SCAMP4: variants seen among roughly 807,000 people sequenced by gnomAD.
The protein encoded by SCAMP4 is secretory carrier membrane protein 4.
SCAMP4 carries 19 observed loss-of-function variants against 32.1 expected under a neutral mutation model. The observed-to-expected ratio is 0.59, with a 90% CI of 0.41 to 0.87. The LOEUF (loss-of-function observed/expected upper bound fraction) is 0.87, where lower values mean the gene tolerates loss of function less well. SCAMP4 is among the 40% of genes least tolerant of loss of function. The pLI, the probability that SCAMP4 is intolerant of heterozygous loss-of-function variation, is 0.00. For missense variants in SCAMP4, 302 were observed against 309.0 expected (o/e 0.98, Z 0.17); for synonymous variants, 152 against 132.7 (o/e 1.15, Z -1.00).
intron 5 of SCAMP4, chr19:1,920,996 G>T (rs1351275567): frequency 2.0e-6 from 2 of 985,300 alleles, no homozygotes; most frequent in South Asian, 4.7e-5. Flanking sequence ...GTCCCTGCCC[G>T]AGGTGGACAG....
intron 5 of SCAMP4, chr19:1,922,459 TC>T: frequency 1.2e-6 from 1 of 840,174 alleles, no homozygotes; most frequent in Non-Finnish European, 1.4e-6. Flanking sequence ...GGTCTCCAGT[TC>T]CTGGCCTCAA....
chr19:1,915,052 C>G (rs1482940161), intron 2 of SCAMP4, 26 bp downstream of exon 2: 1 of 1,613,686 alleles, frequency 6.2e-7, no homozygotes, highest in Non-Finnish European at 8.5e-7. Flanking sequence ...CTGGGAGCCT[C>G]CAGCAGCGTG....
Position 1,912,141 on chromosome 19 carries a change from G to GCCGGGAGC in SCAMP4, c.-41-2833_-41-2826dup, listed in dbSNP as rs746859902. On this transcript the variant is annotated intron_variant, in intron 1 of 6. Transcript: ENST00000316097. ...CGTGGAGCAGCCCAAGTGCTTGGAG[G>GCCGGGAGC]CCGGGAGCCCGGAGCCTGAGCCGGC... The GCCGGGAGC allele has an allele frequency of 7.0e-6, 11 of 1,560,438 alleles. No individual in the cohort carries two copies. The Admixed American group carries it at 9.5e-5, about 14-fold the overall frequency.
chr19:1,920,208 CCCTTGT>C lies in SCAMP4; in HGVS notation c.395+1224_395+1229del, dbSNP rs200908897. 1.1e-3 allele frequency: 1,115 copies of C among 985,414 alleles called. 7 individuals are homozygous for C. The African/African-American group carries it at 0.018, about 16-fold the overall frequency. 61.0% of individuals were successfully genotyped at this position (985,414 alleles called of 1,614,324 possible). A position where few individuals can be genotyped will look rare whatever the true frequency, so the allele number is the denominator to read the frequency against. On this transcript the variant is annotated intron_variant, in intron 5 of 6. Coordinates refer to ENST00000316097, the MANE Select transcript of SCAMP4 (RefSeq NM_079834.4). ...TCTCGCCCACGTCCCCGACGTGTCT[CCCTTGT>C]CCTTGGCACGGCGGGAGCTCCCCAC...
intron 1 of SCAMP4, chr19:1,907,891 G>A (rs2013220153): frequency 6.6e-6 from 1 of 152,448 alleles, no homozygotes; most frequent in Non-Finnish European, 1.5e-5. Context: ...TCTGGCAGTT[G>A]AGGCCGCCCT....
chr19:1,919,005 G>C lies in SCAMP4; in HGVS notation c.395+15G>C. The C allele has an allele frequency of 6.3e-7, 1 of 1,591,950 alleles. No homozygotes were observed. Among genetic ancestry groups the C allele is most frequent in the Non-Finnish European group, 8.6e-7 (1 of 1,169,112 alleles). On this transcript the variant is annotated intron_variant, in intron 5 of 6. Coordinates refer to ENST00000316097, the MANE Select transcript of SCAMP4 (RefSeq NM_079834.4). ...TGGGGCGCGTGGTAAGCCTCTCTCT[G>C]ATGGGCGTGGTGGCTGTGATGTGGC...
intron 1 of SCAMP4, chr19:1,912,866 C>T: frequency 1.2e-6 from 2 of 1,600,568 alleles, no homozygotes; most frequent in South Asian, 2.2e-5. Context: ...CCGCTGCCCC[C>T]CAGGCCGTCC....
intron 6 of SCAMP4, among the ~76,000 whole-genome samples, chr19:1,923,409 G>A (rs940893902): frequency 5.9e-5 from 9 of 152,176 alleles, no homozygotes; most frequent in African/African-American, 1.9e-4. Context: ...GGCCAGTCCT[G>A]TGGCCCCCTG....
intron 6 of SCAMP4, 30 bp downstream of exon 6, chr19:1,923,217 C>T: frequency 1.3e-6 from 2 of 1,515,810 alleles, no homozygotes; most frequent in African/African-American, 1.4e-5. Flanking sequence ...ACGTCCAGCC[C>T]TTACCCCTTC....
rs899632590 is a variant in SCAMP4 at position 1,912,652 on chromosome 19, G to A, written c.-41-2327G>A. ...GAGCGGGCGGTGTGGGCGGCCCGGCGGGCAGCAGCGCGGGGCTTGCGGGCC... is the reference window on the plus strand; with the variant it reads ...GAGCGGGCGGTGTGGGCGGCCCGGCAGGCAGCAGCGCGGGGCTTGCGGGCC... On this transcript the variant is annotated intron_variant, in intron 1 of 6. Transcript: ENST00000316097. The A allele has an allele frequency of 2.1e-6, 3 of 1,422,024 alleles. No individual in the cohort carries two copies. Among genetic ancestry groups the A allele is most frequent in the Admixed American group, 3.3e-5 (1 of 30,494 alleles). 88.1% of individuals were successfully genotyped at this position (1,422,024 alleles called of 1,614,324 possible). A position where few individuals can be genotyped will look rare whatever the true frequency, so the allele number is the denominator to read the frequency against.
In SCAMP4 at chr19:1,925,732, G is replaced by A. The variant is rs2014077222; in HGVS notation, c.*1448G>A. On this transcript the variant is annotated 3_prime_UTR_variant, in exon 7 of 7. Transcript: ENST00000316097. The stretch of plus-strand genomic sequence containing the variant: ...CCCTCGCTGGTACGGAATGCCGCTG[G>A]GTGCCCGGAGGCGGCCATGGTGTCT... 6.6e-6 allele frequency: 1 copy of A among 152,562 alleles called. No homozygotes were observed. The highest frequency in any genetic ancestry group is 6.6e-5 in the Admixed American group (1 of 15,250). 9.5% of individuals were successfully genotyped at this position (152,562 alleles called of 1,614,324 possible).
rs2013835912 is a variant in SCAMP4, at chr19:1,919,154, A to G, written c.395+164A>G. ...CCCTGGCAGCGCCCGCGTCCTCGCC[A>G]GCGCCCGCGTCCTCGCCAGCACCCA... is the stretch of plus-strand genomic sequence containing the variant. On this transcript the variant is annotated intron_variant, in intron 5 of 6. Transcript: ENST00000316097. The G allele has an allele frequency of 2.8e-6, 4 of 1,448,146 alleles. No individual in the cohort carries two copies. In the East Asian group the frequency reaches 1.0e-4, roughly 36 times the overall value. 89.7% of individuals were successfully genotyped at this position (1,448,146 alleles called of 1,614,324 possible).
At position 1,924,599 on chromosome 19, in the gene SCAMP4, C is replaced by T. The variant is rs948084206; in HGVS notation, c.*315C>T. The T allele has an allele frequency of 8.5e-6, 3 of 352,614 alleles. No homozygotes were observed. The highest frequency in any genetic ancestry group is 6.8e-5 in the South Asian group (2 of 29,494). The allele number at this position is 352,614 out of a possible 1,614,324, so 21.8% of individuals were successfully genotyped here. On this transcript the variant is annotated 3_prime_UTR_variant, in exon 7 of 7. Transcript: ENST00000316097. Reference sequence around the variant, plus strand: ...CTGGTACGGCCTTGTCTTCAGGTCTCGAGGCCTGACTCCGGGGGACAGGTG... The same window carrying T: ...CTGGTACGGCCTTGTCTTCAGGTCTTGAGGCCTGACTCCGGGGGACAGGTG...
At chr19:1,920,179 C>T (rs185113069) in intron 5 of SCAMP4, 2 of 985,380 alleles carry the variant, frequency 2.0e-6, no homozygotes, top group Non-Finnish European at 2.4e-6. Flanking sequence ...CAGAGAGTGA[C>T]TGTTCTCGCC....
rs1421483666 is a variant in SCAMP4, at chr19:1,925,498, C to T, written c.*1214C>T. On this transcript the variant is annotated 3_prime_UTR_variant, in exon 7 of 7. Coordinates refer to ENST00000316097, the MANE Select transcript of SCAMP4 (RefSeq NM_079834.4). The stretch of plus-strand genomic sequence containing the variant: ...TTGTCCCCTCACCCCCCAACTCCCC[C>T]TGGAACACCTCTCCCAGGCAAGACA... 1 of 153,076 alleles carries T rather than the reference C, an allele frequency of 6.5e-6. No individual in the cohort carries two copies. The highest frequency in any genetic ancestry group is 1.5e-5 in the Non-Finnish European group (1 of 68,180). The allele number at this position is 153,076 out of a possible 1,614,324, so 9.5% of individuals were successfully genotyped here. A position where few individuals can be genotyped will look rare whatever the true frequency, so the allele number is the denominator to read the frequency against.
At chr19:1,912,060 T>C (rs2013480752) in intron 1 of SCAMP4, 9 of 1,432,502 alleles carry the variant, frequency 6.3e-6, no homozygotes, top group Non-Finnish European at 8.2e-6. Flanking sequence ...GATCCTCTGC[T>C]CCCGTCTCTG....
intron 5 of SCAMP4, chr19:1,922,651 G>A: frequency 1.0e-6 from 1 of 987,236 alleles, no homozygotes; most frequent in Non-Finnish European, 1.2e-6. Flanking sequence ...ATTAGACACA[G>A]TTGCCGTAGG....
chr19:1,921,617 G>A (rs985322967), intron 5 of SCAMP4: 5 of 985,454 alleles, frequency 5.1e-6, no homozygotes, highest in Non-Finnish European at 6.0e-6. Flanking sequence ...GGCGGCAGGA[G>A]TCCTCAAATG....
chr19:1,913,979 A>G (rs1226170186), intron 1 of SCAMP4, among the ~76,000 whole-genome samples: 1 of 152,126 alleles, frequency 6.6e-6, no homozygotes, highest in Non-Finnish European at 1.5e-5. Context: ...ACTGCTGGCC[A>G]GGAGCCCGCC....
Sources: allele counts gnomAD v4.1 joint callset (sites outside exome capture counted in the v4.1 genomes callset), GRCh38; gene constraint gnomAD v4.1.1; transcripts MANE v1.5; gene names NCBI Gene and HGNC (gene_info 2026-07-23, HGNC 2026-07-21).